Variants in PICALM observed in about 807,000 individuals in gnomAD.
PICALM encodes phosphatidylinositol-binding clathrin assembly protein.
A neutral mutation model predicts 80.5 loss-of-function variants in PICALM; 40 were observed. The ratio of observed to expected loss-of-function variants is 0.50; its 90% CI spans 0.39 to 0.65. The LOEUF (loss-of-function observed/expected upper bound fraction) is 0.65. Ranked by LOEUF, PICALM falls within the 30% of genes least tolerant of loss-of-function variation. The pLI, the probability that PICALM is intolerant of heterozygous loss-of-function variation, is 0.00. For missense variants in PICALM, 676 were observed against 778.9 expected (o/e 0.87, Z 1.57); for synonymous variants, 288 against 260.3 (o/e 1.11, Z -1.02).
chr11:85,991,133 A>G (rs2094761552), intron 12 of PICALM, among the ~76,000 whole-genome samples: 1 of 152,220 alleles, frequency 6.6e-6, no homozygotes, highest in African/African-American at 2.4e-5. Flanking sequence ...GATAATTATT[A>G]TACTGATACC....
chr11:86,013,593 G>A (rs1268757516), intron 5 of PICALM, among the ~76,000 whole-genome samples: 1 of 152,042 alleles, frequency 6.6e-6, no homozygotes, highest in African/African-American at 2.4e-5. Flanking sequence ...CTATCAACAG[G>A]AGGATTAGAT....
At chr11:86,015,366 TA>T (rs1173873397) in intron 4 of PICALM, among the ~76,000 whole-genome samples, 1 of 152,186 alleles carries the variant, frequency 6.6e-6, no homozygotes, top group South Asian at 2.1e-4. Context: ...AAAAAACAGT[TA>T]AACACTCTGT....
intron 8 of PICALM, 149 bp from the exon 9 acceptor site, chr11:86,003,600 T>C (rs562134458): frequency 6.0e-5 from 25 of 417,300 alleles, no homozygotes; most frequent in Non-Finnish European, 1.0e-4. Context: ...TTAATAAGAA[T>C]GACAATCTTA....
chr11:86,002,278 T>G (rs966284820), intron 9 of PICALM, among the ~76,000 whole-genome samples: 1 of 152,150 alleles, frequency 6.6e-6, no homozygotes, highest in Non-Finnish European at 1.5e-5. Context: ...AATAACGGCA[T>G]TTCCCTTTGG....
chr11:86,028,188 T>A (rs2095683109), intron 2 of PICALM, among the ~76,000 whole-genome samples: 1 of 152,228 alleles, frequency 6.6e-6, no homozygotes, highest in Admixed American at 6.5e-5. Flanking sequence ...AGCATCCTAA[T>A]GATATTCAAA....
intron 1 of PICALM, among the ~76,000 whole-genome samples, chr11:86,062,408 T>C (rs2096382298): frequency 6.6e-6 from 1 of 151,730 alleles, no homozygotes; most frequent in Non-Finnish European, 1.5e-5. Context: ...ATCCCAGGTA[T>C]TTGGGAGGCT....
chr11:86,068,946 A>G lies in PICALM; in HGVS notation c.-166T>C. On this transcript the variant is annotated 5_prime_UTR_variant, in exon 1 of 20. Transcript: ENST00000393346. ...GGGCCGCGCGCTGCCACCAGTCCAG[A>G]GAGAACCGGCTCGTGTCACCCGCGG... 2.3e-6 allele frequency: 2 copies of G among 862,470 alleles called. No homozygotes were observed. The highest frequency in any genetic ancestry group is 3.4e-6 in the Non-Finnish European group (2 of 583,378). 53.4% of individuals were successfully genotyped at this position (862,470 alleles called of 1,614,324 possible).
intron 7 of PICALM, 52 bp downstream of exon 7, chr11:86,010,978 T>C (rs2095384672): frequency 1.3e-6 from 1 of 759,488 alleles, no homozygotes; most frequent in East Asian, 2.5e-5. Context: ...TCAAAATCCA[T>C]ACTTACAGAC....
intron 1 of PICALM, 44 bp downstream of exon 1, chr11:86,068,607 C>T (rs370399061): frequency 6.5e-5 from 102 of 1,578,322 alleles, no homozygotes; most frequent in Middle Eastern, 2.0e-4. Context: ...GCGCGCGGGT[C>T]GCGCGGGCGC....
In PICALM at chr11:86,068,715, T is replaced by C. The variant is rs200624220; in HGVS notation, c.66A>G (p.Val22=). 6.2e-7 allele frequency: 1 copy of C among 1,613,040 alleles called. No individual in the cohort carries two copies. The highest frequency in any genetic ancestry group is 1.7e-5 in the Admixed American group (1 of 59,962). Residue 22 remains valine, a synonymous_variant, in exon 1 of 20, where the codon GTA becomes GTG. Coordinates refer to ENST00000393346, the MANE Select transcript of PICALM (RefSeq NM_007166.4). ...AAQHSVTGSA[V]SKTVCKATTH... Reference sequence around the variant, plus strand: ...TCGTGGCCTTGCATACTGTCTTGGATACGGCAGAGCCGGTGACACTGTGCT... The same window carrying C: ...TCGTGGCCTTGCATACTGTCTTGGACACGGCAGAGCCGGTGACACTGTGCT...
intron 7 of PICALM, among the ~76,000 whole-genome samples, chr11:86,008,662 T>C (rs906153416): frequency 6.6e-6 from 1 of 151,884 alleles, no homozygotes; most frequent in Non-Finnish European, 1.5e-5. Flanking sequence ...ATTACTCAGA[T>C]GTTACTAATC....
At chr11:86,051,427 G>A (rs1455793377) in intron 1 of PICALM, among the ~76,000 whole-genome samples, 5 of 152,124 alleles carry the variant, frequency 3.3e-5, no homozygotes, top group Admixed American at 6.6e-5. Context: ...TTGGGAGATG[G>A]AGGTGGGCGG....
rs34885729 is a variant in PICALM, at chr11:85,961,855, CTATTTATT to C, written c.1945-2803_1945-2796del. ...GCCAAGTGATTTCATTTCTTTCTAC[CTATTTATT>C]TATTTATTTATTTATTTATTTATTT... On this transcript the variant is annotated intron_variant, in intron 19 of 19. Transcript: ENST00000393346. 8.2e-3 allele frequency among the ~76,000 whole-genome samples: 1,229 copies of C among 149,474 alleles called. 11 individuals carry two copies. The highest frequency in any genetic ancestry group is 0.019 in the South Asian group (92 of 4,734).
intron 5 of PICALM, among the ~76,000 whole-genome samples, chr11:86,013,882 G>T (rs1159065993): frequency 6.6e-6 from 1 of 152,174 alleles, no homozygotes; most frequent in Admixed American, 6.5e-5. Context: ...AACAGCCATA[G>T]ATAATATGTA....
chr11:85,962,334 A>T (rs1476998464), intron 19 of PICALM, among the ~76,000 whole-genome samples: 2 of 152,210 alleles, frequency 1.3e-5, no homozygotes, highest in Non-Finnish European at 2.9e-5. Context: ...TTTCTCTCTG[A>T]AGCAGATTTT....
chr11:85,989,629 C>G (rs1324178893), intron 13 of PICALM, among the ~76,000 whole-genome samples: 1 of 152,038 alleles, frequency 6.6e-6, no homozygotes, highest in East Asian at 1.9e-4. Context: ...GAAATTCTGC[C>G]TTTTTATACT....
At chr11:86,005,251 C>G (rs2136173355) in intron 8 of PICALM, among the ~76,000 whole-genome samples, 1 of 152,284 alleles carries the variant, frequency 6.6e-6, no homozygotes, top group East Asian at 1.9e-4. Flanking sequence ...AAACTGTGGT[C>G]ATAGAAACTG....
intron 19 of PICALM, among the ~76,000 whole-genome samples, chr11:85,963,698 A>T (rs1283842900): frequency 6.6e-6 from 1 of 152,122 alleles, no homozygotes; most frequent in East Asian, 1.9e-4. Flanking sequence ...ATACGGTAAA[A>T]TGTTACCAAA....
At chr11:86,021,794 G>C (rs567567124) in intron 4 of PICALM, among the ~76,000 whole-genome samples, 1 of 152,122 alleles carries the variant, frequency 6.6e-6, no homozygotes, top group Non-Finnish European at 1.5e-5. Context: ...ATCACCTTAT[G>C]AACAGATAAA....
Sources: gnomAD v4.1 joint callset for allele counts (sites outside exome capture counted in the v4.1 genomes callset) on GRCh38, gnomAD v4.1.1 for gene constraint, MANE v1.5 for transcripts, NCBI Gene and HGNC (gene_info 2026-07-23, HGNC 2026-07-21) for gene names.